The following ATF7IP2 variants were observed in gnomAD, a reference collection of about 807,000 sequenced individuals.
ATF7IP2 encodes the protein activating transcription factor 7 interacting protein 2, also known as activating transcription factor 7-interacting protein 2.
In ATF7IP2, 42 loss-of-function variants were observed where a neutral mutation model predicts 64.2. That is an observed-to-expected ratio of 0.65 (90% confidence interval 0.51 to 0.85). ATF7IP2 has a LOEUF of 0.85. Among genes scored for constraint, ATF7IP2 ranks in the 40% least tolerant of loss-of-function variants. ATF7IP2 has a pLI of 0.00. For synonymous variants in ATF7IP2, 308 were observed against 272.8 expected (o/e 1.13, Z -1.27); for missense variants, 933 against 784.2 (o/e 1.19, Z -2.27).
intron 12 of ATF7IP2, among the ~76,000 whole-genome samples, chr16:10,480,460 G>C (rs1403857881): frequency 6.6e-6 from 1 of 151,704 alleles, no homozygotes; most frequent in East Asian, 1.9e-4. Context: ...GAGGAGCACA[G>C]ACCTCATTAG....
At chr16:10,460,374 C>A (rs191243179) in intron 9 of ATF7IP2, among the ~76,000 whole-genome samples, 1 of 152,162 alleles carries the variant, frequency 6.6e-6, no homozygotes, top group East Asian at 1.9e-4. Flanking sequence ...AACTTTATGA[C>A]GTGATTCTAA....
intron 1 of ATF7IP2, among the ~76,000 whole-genome samples, chr16:10,389,375 C>T (rs558274849): frequency 6.6e-6 from 1 of 152,280 alleles, no homozygotes; most frequent in East Asian, 1.9e-4. Context: ...GGGCAGACCA[C>T]AGTGCTTTTC....
chr16:10,464,407 T>C (rs2142037807), intron 9 of ATF7IP2, among the ~76,000 whole-genome samples: 1 of 152,324 alleles, frequency 6.6e-6, no homozygotes, highest in East Asian at 1.9e-4. Flanking sequence ...GTGCCACTGT[T>C]GTCCGTGTCT....
intron 7 of ATF7IP2, 117 bp downstream of exon 7, chr16:10,438,352 C>T: frequency 9.1e-7 from 1 of 1,097,116 alleles, no homozygotes; most frequent in Non-Finnish European, 1.2e-6. Flanking sequence ...TCAAGCAATC[C>T]TACCACCTCA....
intron 3 of ATF7IP2, among the ~76,000 whole-genome samples, chr16:10,427,867 A>G (rs1207991317): frequency 1.3e-5 from 2 of 151,720 alleles, no homozygotes; most frequent in East Asian, 1.9e-4. Flanking sequence ...AAAAAAAAAA[A>G]GGAACTGGAG....
intron 6 of ATF7IP2, 26 bp downstream of exon 6, chr16:10,433,675 C>G (rs774125134): frequency 1.9e-6 from 3 of 1,609,154 alleles, no homozygotes; most frequent in East Asian, 2.2e-5. Context: ...TTAAATGGAA[C>G]TTTTACTTTT....
chr16:10,427,822 C>A (rs2048115849), intron 3 of ATF7IP2, among the ~76,000 whole-genome samples: 1 of 150,796 alleles, frequency 6.6e-6, no homozygotes, highest in African/African-American at 2.4e-5. Flanking sequence ...TGCACTCCAG[C>A]CTGGGTAACA....
intron 1 of ATF7IP2, among the ~76,000 whole-genome samples, chr16:10,394,824 A>G (rs1000716979): frequency 6.6e-5 from 10 of 152,208 alleles, no homozygotes; most frequent in Non-Finnish European, 7.3e-5. Context: ...AGACAAACAT[A>G]TCAAAGGTTT....
At chr16:10,472,059 C>G (rs1341705042) in intron 9 of ATF7IP2, 51 bp from the exon 10 acceptor site, 12 of 974,968 alleles carry the variant, frequency 1.2e-5, no homozygotes, top group Admixed American at 2.1e-5. Flanking sequence ...CATGTTTAAG[C>G]CTGATAATGC....
At position 10,483,513 on chromosome 16, in the gene ATF7IP2, A is replaced by G. The variant is rs560778064; in HGVS notation, c.*1264A>G. 6.6e-6 allele frequency: 1 copy of G among 152,276 alleles called. No homozygotes were observed. Among genetic ancestry groups the G allele is most frequent in the Admixed American group, 6.5e-5 (1 of 15,292 alleles). 9.4% of individuals were successfully genotyped at this position (152,276 alleles called of 1,614,324 possible). On this transcript the variant is annotated 3_prime_UTR_variant, in exon 14 of 14. Coordinates refer to ENST00000562102, the MANE Select transcript of ATF7IP2 (RefSeq NM_001393719.1). ...ATAATCCCAACTGTTTGAAAGTTCG[A>G]AAGAGGGGCATTCTTTTCTGGTACA... is the stretch of plus-strand genomic sequence containing the variant.
At chr16:10,474,887 A>C (rs1390875643) in intron 12 of ATF7IP2, among the ~76,000 whole-genome samples, 1 of 152,246 alleles carries the variant, frequency 6.6e-6, no homozygotes, top group Non-Finnish European at 1.5e-5. Flanking sequence ...AATAACTGTC[A>C]ACCTGTAATT....
At chr16:10,399,062 G>T (rs147049830) in intron 1 of ATF7IP2, among the ~76,000 whole-genome samples, 4 of 152,050 alleles carry the variant, frequency 2.6e-5, no homozygotes, top group African/African-American at 9.7e-5. Context: ...GCAGTGAGCC[G>T]AGATTGTGCC....
Position 10,482,824 on chromosome 16 carries a change from TCTCCTATGTCAGC to T in ATF7IP2, c.*580_*592del, listed in dbSNP as rs1326595111. The T allele has an allele frequency of 6.6e-6, 1 of 152,168 alleles. No homozygotes were observed. Among genetic ancestry groups the T allele is most frequent in the African/African-American group, 2.4e-5 (1 of 41,422 alleles). The allele number at this position is 152,168 out of a possible 1,614,324, so 9.4% of individuals were successfully genotyped here. A position where few individuals can be genotyped will look rare whatever the true frequency, so the allele number is the denominator to read the frequency against. On this transcript the variant is annotated 3_prime_UTR_variant, in exon 14 of 14. Coordinates refer to ENST00000562102, the MANE Select transcript of ATF7IP2 (RefSeq NM_001393719.1). ...CCTCCATCTCCCTGGTTCAAGCAAT[TCTCCTATGTCAGC>T]CTCCCAAGTAGCTGGGACTATAGTC...
At chr16:10,457,278 T>C in intron 8 of ATF7IP2, 94 bp from the exon 9 acceptor site, 1 of 1,047,118 alleles carries the variant, frequency 9.6e-7, no homozygotes, top group Non-Finnish European at 1.4e-6. Context: ...TTTTGCCATA[T>C]GTATGCAAGA....
intron 1 of ATF7IP2, among the ~76,000 whole-genome samples, chr16:10,410,022 T>G (rs954761673): frequency 6.6e-6 from 1 of 152,212 alleles, no homozygotes; most frequent in Non-Finnish European, 1.5e-5. Flanking sequence ...CCTCCAGATA[T>G]GTTCTTTTTG....
At chr16:10,427,296 A>G (rs1328366379) in intron 3 of ATF7IP2, among the ~76,000 whole-genome samples, 2 of 152,234 alleles carry the variant, frequency 1.3e-5, no homozygotes, top group Non-Finnish European at 2.9e-5. Context: ...GATAGTAATT[A>G]GGGAAACCCA....
At chr16:10,472,065 A>C in intron 9 of ATF7IP2, 45 bp from the exon 10 acceptor site, 538 of 930,308 alleles carry the variant, frequency 5.8e-4, no homozygotes, top group Non-Finnish European at 8.5e-4. Context: ...TAAGCCTGAT[A>C]ATGCATGTTT....
chr16:10,395,629 T>G (rs1304912828), intron 1 of ATF7IP2, among the ~76,000 whole-genome samples: 1 of 152,184 alleles, frequency 6.6e-6, no homozygotes, highest in East Asian at 1.9e-4. Context: ...AAAATAAATT[T>G]CTCATGCAAG....
intron 8 of ATF7IP2, among the ~76,000 whole-genome samples, chr16:10,451,077 T>C (rs957639345): frequency 1.3e-5 from 2 of 152,224 alleles, no homozygotes; most frequent in Non-Finnish European, 2.9e-5. Flanking sequence ...CTTATGAAGC[T>C]TAGTTTGGCT....
Sources: gnomAD v4.1 joint callset for allele counts (sites outside exome capture counted in the v4.1 genomes callset) on GRCh38, gnomAD v4.1.1 for gene constraint, MANE v1.5 for transcripts, NCBI Gene and HGNC (gene_info 2026-07-23, HGNC 2026-07-21) for gene names.